PEAR1: variants seen among roughly 807,000 people sequenced by gnomAD.
PEAR1 encodes platelet endothelial aggregation receptor 1.
Under a neutral mutation model 131.2 loss-of-function variants are expected in PEAR1, and 113 were observed. The observed-to-expected ratio is 0.86, with a 90% CI of 0.74 to 1.01. PEAR1 has a LOEUF of 1.01. Ranked by LOEUF, PEAR1 falls within the 50% of genes least tolerant of loss-of-function variation. The pLI, the probability that PEAR1 is intolerant of heterozygous loss-of-function variation, is 0.00. For synonymous variants in PEAR1, 565 were observed against 523.3 expected, an observed-to-expected ratio of 1.08 and a Z score of -1.09; for missense variants, 1,408 against 1,391.1, an observed-to-expected ratio of 1.01 and a Z score of -0.19.
At chr1:156,911,169 T>C (rs1161193386) in intron 15 of PEAR1, among the ~76,000 whole-genome samples, 1 of 138,208 alleles carries the variant, frequency 7.2e-6, no homozygotes, top group Non-Finnish European at 1.5e-5. Context: ...TTTCTTTCTT[T>C]CCTTTCTTTT....
At position 156,914,754 on chromosome 1, in the gene PEAR1, G is replaced by A. The variant is rs1651705147; in HGVS notation, c.3070G>A (p.Val1024Ile). ...HIPGHYDLPP[V>I]RHPPSPPLRR... ...CCCTGGACATTATGACTTGCCTCCA[G>A]TACGGCATCCCCCATCACCTCCACT... The change falls in exon 23 of 23, where the codon GTA becomes ATA. Residue 1024 changes from valine (V) to isoleucine (I), a missense_variant. By Grantham distance (29) the Val-to-Ile change is conservative (BLOSUM62 3). Transcript: ENST00000292357. 1 of 1,613,892 alleles carries A rather than the reference G, an allele frequency of 6.2e-7. No homozygotes were observed. The highest frequency in any genetic ancestry group is 8.5e-7 in the Non-Finnish European group (1 of 1,179,926).
rs772409495 is a variant in PEAR1 at position 156,905,392 on chromosome 1, A to G, written c.275A>G (p.His92Arg). The change falls in exon 4 of 23, where the codon CAT becomes CGT. Residue 92 changes from histidine to arginine, a missense_variant. His to Arg is a conservative substitution (Grantham distance 29, BLOSUM62 0). Transcript: ENST00000292357. ...TDHRQRLQCC[H>R]GFYESRGFCV... is the part of the protein sequence containing the mutation. Reference sequence around the variant, plus strand: ...CACCGCCAGCGCCTGCAGTGCTGCCATGGCTTCTATGAGAGCAGGGGGTTC... The same window carrying G: ...CACCGCCAGCGCCTGCAGTGCTGCCGTGGCTTCTATGAGAGCAGGGGGTTC... 5.0e-6 allele frequency: 8 copies of G among 1,608,714 alleles called. No homozygotes were observed. The highest frequency in any genetic ancestry group is 6.8e-6 in the Non-Finnish European group (8 of 1,177,408).
At chr1:156,914,380 T>C (rs978141137) in intron 22 of PEAR1, among the ~76,000 whole-genome samples, 1 of 152,010 alleles carries the variant, frequency 6.6e-6, no homozygotes, top group Non-Finnish European at 1.5e-5. Context: ...CCCAGAAAAG[T>C]AGGGAGCCAG....
chr1:156,901,655 G>C (rs939085074), intron 1 of PEAR1, among the ~76,000 whole-genome samples: 1 of 152,196 alleles, frequency 6.6e-6, no homozygotes, highest in Admixed American at 6.5e-5. Flanking sequence ...TGCAGTTGGA[G>C]CACAGGGGCC....
rs1456135392 is a variant in PEAR1, at chr1:156,913,761, G to A, written c.2713+1G>A. ...GGCCCAGGCCCATTCTACAATAAAG[G>A]TATGGGCACAGGGGCAACAAGGGAG... On this transcript the variant is annotated splice_donor_variant, in intron 21 of 22. Transcript: ENST00000292357. LOFTEE classifies it high-confidence loss of function. 29 of 1,613,824 alleles carry A rather than the reference G, an allele frequency of 1.8e-5. No individual in the cohort carries two copies. The highest frequency in any genetic ancestry group is 2.5e-5 in the Non-Finnish European group (29 of 1,179,922).
chr1:156,913,676 G>GCCA lies in PEAR1; in HGVS notation c.2645-14_2645-13insACC, dbSNP rs1553270848. The GCCA allele has an allele frequency of 6.2e-7, 1 of 1,612,238 alleles. No homozygotes were observed. The highest frequency in any genetic ancestry group is 8.5e-7 in the Non-Finnish European group (1 of 1,179,184). On this transcript the variant is annotated splice_polypyrimidine_tract_variant and intron_variant, in intron 20 of 22. Transcript: ENST00000292357. ...GGGGACAGAGGGCTGATTACCAGTT[G>GCCA]CCTCCTCCTCCTCAGGGAGCAGCCG...
At position 156,908,425 on chromosome 1, in the gene PEAR1, A is replaced by T. The variant is rs949062791; in HGVS notation, c.1115+85A>T. The T allele has an allele frequency of 1.1e-5, 15 of 1,396,500 alleles. No individual in the cohort carries two copies. In the African/African-American group the frequency reaches 1.9e-4, roughly 17 times the overall value. 86.5% of individuals were successfully genotyped at this position (1,396,500 alleles called of 1,614,324 possible). On this transcript the variant is annotated intron_variant, in intron 9 of 22. Coordinates refer to ENST00000292357, the MANE Select transcript of PEAR1 (RefSeq NM_001080471.3). This position sits in a 1 kb window ranked among gnomAD's most constrained non-coding sequence, Gnocchi z 4.2. ...GAAGTCACCACAGAGCCAGGGCCAT[A>T]TCCAAGGGGGACAGGTGTCACAGAA...
chr1:156,898,463 C>T (rs4147301), intron 1 of PEAR1, among the ~76,000 whole-genome samples: 47 of 151,856 alleles, frequency 3.1e-4, no homozygotes, highest in Non-Finnish European at 5.4e-4. Flanking sequence ...GGCCTGGCCC[C>T]GCTGGATATA....
At chr1:156,904,689 G>A (rs1306599195) in intron 2 of PEAR1, 59 bp from the exon 3 acceptor site, 31 of 1,509,580 alleles carry the variant, frequency 2.1e-5, no homozygotes, top group South Asian at 6.4e-5. Context: ...CCATTTTCCC[G>A]TTGTGGCCGC....
chr1:156,911,697 C>A (rs1296103552), intron 15 of PEAR1, among the ~76,000 whole-genome samples: 3 of 151,808 alleles, frequency 2.0e-5, no homozygotes, highest in Non-Finnish European at 4.4e-5. Flanking sequence ...ATATTAAGAT[C>A]ATTGAAAAGA....
intron 2 of PEAR1, among the ~76,000 whole-genome samples, chr1:156,904,279 T>C (rs1649986088): frequency 6.6e-6 from 1 of 152,136 alleles, no homozygotes; most frequent in African/African-American, 2.4e-5. Flanking sequence ...TTAGTTCCTG[T>C]GGGAGGCCAA....
intron 1 of PEAR1, among the ~76,000 whole-genome samples, chr1:156,898,024 A>C (rs115123600): frequency 0.052 from 7,981 of 152,088 alleles, 542 homozygotes; most frequent in African/African-American, 0.16. Flanking sequence ...TCCCTAGTCT[A>C]TGTCACCCAG....
At chr1:156,899,181 A>G (rs1016722952) in intron 1 of PEAR1, among the ~76,000 whole-genome samples, 7 of 152,116 alleles carry the variant, frequency 4.6e-5, no homozygotes, top group Non-Finnish European at 1.0e-4. Flanking sequence ...GGATCAGAGG[A>G]CTCAAGTTAT....
In PEAR1 at chr1:156,905,252, C is replaced by T. The variant is rs1162285658; in HGVS notation, c.207-72C>T. On this transcript the variant is annotated intron_variant, in intron 3 of 22. Transcript: ENST00000292357. ...GTGTTGAGTGGTGCCCCTTCCCTGGCCTCCCCCTGGCCACACTGTGGTGAG... is the reference window on the plus strand; with the variant it reads ...GTGTTGAGTGGTGCCCCTTCCCTGGTCTCCCCCTGGCCACACTGTGGTGAG... 6.7e-6 allele frequency: 10 copies of T among 1,493,994 alleles called. No individual in the cohort carries two copies. The East Asian group carries it at 2.0e-4, about 30-fold the overall frequency. The allele number at this position is 1,493,994 out of a possible 1,614,324, so 92.5% of individuals were successfully genotyped here. A position where few individuals can be genotyped will look rare whatever the true frequency, so the allele number is the denominator to read the frequency against.
Position 156,906,670 on chromosome 1 carries a change from A to G in PEAR1, c.434A>G (p.Asp145Gly), listed in dbSNP as rs200829847. The change falls in exon 6 of 23, where the codon GAC (aspartate) becomes GGC (glycine). Residue 145 changes from aspartate (D) to glycine (G), a missense_variant. Asp to Gly is a moderately conservative substitution (Grantham distance 94). Coordinates refer to ENST00000292357, the MANE Select transcript of PEAR1 (RefSeq NM_001080471.3). ...CAPGMWGPQC[D>G]KPCSCGNNSS... ...CCAGGAATGTGGGGGCCACAGTGTG[A>G]CAAGCCCTGCAGCTGCGGCAACAAC... 1.9e-6 allele frequency: 3 copies of G among 1,614,042 alleles called. No homozygotes were observed. The highest frequency in any genetic ancestry group is 1.7e-5 in the Admixed American group (1 of 60,010).
chr1:156,909,020 G>C lies in PEAR1; in HGVS notation c.1395G>C (p.Glu465Asp). The change falls in exon 11 of 23, where the codon GAG (glutamate) becomes GAC (aspartate). Residue 465 changes from glutamate (E) to aspartate (D), a missense_variant. Transcript: ENST00000292357. ...NAIACSPIDG[E>D]CVCKEGWQRG... Reference sequence around the variant, plus strand: ...TCGCCTGCTCACCCATCGACGGCGAGTGCGTCTGCAAGGAAGGTAATAGGG... The same window carrying C: ...TCGCCTGCTCACCCATCGACGGCGACTGCGTCTGCAAGGAAGGTAATAGGG... 6.2e-7 allele frequency: 1 copy of C among 1,614,102 alleles called. No homozygotes were observed. Among genetic ancestry groups the C allele is most frequent in the Non-Finnish European group, 8.5e-7 (1 of 1,180,014 alleles).
rs1651529310 is a variant in PEAR1 at position 156,913,617 on chromosome 1, G to C, written c.2645-75G>C. 1.9e-6 allele frequency: 3 copies of C among 1,596,754 alleles called. No individual in the cohort carries two copies. The African/African-American group carries it at 4.0e-5, about 21-fold the overall frequency. On this transcript the variant is annotated intron_variant, in intron 20 of 22. Coordinates refer to ENST00000292357, the MANE Select transcript of PEAR1 (RefSeq NM_001080471.3). ...TGTGTGTCTGGAGACGGGGGCTCTG[G>C]GCCCCATTTCTAGAGGAAGTGTGAG...
intron 3 of PEAR1, 58 bp from the exon 4 acceptor site, chr1:156,905,266 C>T: frequency 6.4e-7 from 1 of 1,555,558 alleles, no homozygotes; most frequent in Non-Finnish European, 8.8e-7. Context: ...CCCCTGGCCA[C>T]ACTGTGGTGA....
chr1:156,904,874 T>A (rs1262071536), intron 3 of PEAR1, 22 bp downstream of exon 3: 1 of 1,613,568 alleles, frequency 6.2e-7, no homozygotes, highest in Non-Finnish European at 8.5e-7. Flanking sequence ...TCATCCTCCA[T>A]GGGTGGATGG....
Sources: allele counts gnomAD v4.1 joint callset (sites outside exome capture counted in the v4.1 genomes callset), GRCh38; gene constraint gnomAD v4.1.1; non-coding constraint Gnocchi (gnomAD v3.1); transcripts MANE v1.5; gene names NCBI Gene and HGNC (gene_info 2026-07-23, HGNC 2026-07-21).